Variants in FAM222B observed in about 807,000 individuals in gnomAD.
FAM222B encodes the protein family with sequence similarity 222 member B.
Under a neutral mutation model 38.0 loss-of-function variants are expected in FAM222B, and 12 were observed. The ratio of observed to expected loss-of-function variants is 0.32; its 90% confidence interval spans 0.20 to 0.51. The LOEUF (loss-of-function observed/expected upper bound fraction) is 0.51. Ranked by LOEUF, FAM222B falls within the 20% of genes least tolerant of loss-of-function variation. The pLI, the probability that FAM222B is intolerant of heterozygous loss-of-function variation, is 0.97. For synonymous variants in FAM222B, 329 were observed against 317.2 expected (o/e 1.04, Z -0.40); for missense variants, 716 against 754.2 (o/e 0.95, Z 0.59).
intron 1 of FAM222B, among the ~76,000 whole-genome samples, chr17:28,798,639 C>CTT (rs35469781): frequency 4.6e-4 from 67 of 145,642 alleles, no homozygotes; most frequent in East Asian, 1.0e-3. Context: ...CTTGCACCCC[C>CTT]TTTTTTTTTT....
At chr17:28,826,681 C>CAAA (rs58793747) in intron 1 of FAM222B, among the ~76,000 whole-genome samples, 4 of 85,020 alleles carry the variant, frequency 4.7e-5, no homozygotes, top group African/African-American at 1.3e-4. Context: ...AACTCCGTCT[C>CAAA]AAAAAAAAAA....
In FAM222B at chr17:28,809,222, G is replaced by A. The variant is rs566264834; in HGVS notation, c.-41+33460C>T. Among the ~76,000 whole-genome samples the A allele has an allele frequency of 7.2e-5, 11 of 152,160 alleles. No homozygotes were observed. In the South Asian group the frequency reaches 1.4e-3, roughly 20 times the overall value. On this transcript the variant is annotated intron_variant, in intron 1 of 2. Transcript: ENST00000581407. ...AAAAATTAGCCAGGCGTGCTGGTGC[G>A]TGTCTGTAGTCCCAGCTACTCAGGA...
chr17:28,830,644 C>G (rs948904607), intron 1 of FAM222B, among the ~76,000 whole-genome samples: 2 of 151,878 alleles, frequency 1.3e-5, no homozygotes, highest in Non-Finnish European at 2.9e-5. Flanking sequence ...TCTAAGAACT[C>G]TTTGCCTAAC....
chr17:28,825,598 A>G (rs1264254085), intron 1 of FAM222B, among the ~76,000 whole-genome samples: 1 of 151,984 alleles, frequency 6.6e-6, no homozygotes, highest in Non-Finnish European at 1.5e-5. Flanking sequence ...CAACATACCA[A>G]GCTCATTCCT....
Position 28,758,969 on chromosome 17 carries a change from G to C in FAM222B, c.990C>G (p.Thr330=), listed in dbSNP as rs1022923568. 1 of 1,611,550 alleles carries C rather than the reference G, an allele frequency of 6.2e-7. No individual in the cohort carries two copies. The highest frequency in any genetic ancestry group is 1.1e-5 in the South Asian group (1 of 90,546). ...CAGGCAACGCGGCGGTGGCCGCGTG[G>C]GTGTGCTCCATGGGATTGACCACAC... The part of the protein sequence containing the change: ...PSCVVNPMEH[T]HAATAALPAA... The change falls in exon 3 of 3, where the codon ACC becomes ACG. Residue 330 remains threonine (T), a synonymous_variant. Transcript: ENST00000581407.
intron 1 of FAM222B, among the ~76,000 whole-genome samples, chr17:28,847,867 T>C (rs369573208): frequency 5.4e-4 from 79 of 147,570 alleles, no homozygotes; most frequent in African/African-American, 1.9e-3. Flanking sequence ...TGAGCCGAGA[T>C]AGCGCCACTG....
At chr17:28,767,675 C>A (rs2035407121) in intron 1 of FAM222B, among the ~76,000 whole-genome samples, 1 of 151,984 alleles carries the variant, frequency 6.6e-6, no homozygotes, top group Non-Finnish European at 1.5e-5. Flanking sequence ...GGGGTTTCAC[C>A]ATGTTGGTCA....
intron 1 of FAM222B, among the ~76,000 whole-genome samples, chr17:28,767,546 G>A (rs2035401262): frequency 6.6e-6 from 1 of 152,032 alleles, no homozygotes; most frequent in Non-Finnish European, 1.5e-5. Context: ...TACAATTTTG[G>A]CTCACTGCAA....
intron 1 of FAM222B, among the ~76,000 whole-genome samples, chr17:28,772,450 C>T (rs189520110): frequency 1.3e-5 from 2 of 151,694 alleles, no homozygotes; most frequent in South Asian, 2.1e-4. Context: ...AGAGGCCGGT[C>T]GCGGTGGCTC....
At chr17:28,797,988 T>C (rs2037023272) in intron 1 of FAM222B, among the ~76,000 whole-genome samples, 1 of 151,536 alleles carries the variant, frequency 6.6e-6, no homozygotes, top group Non-Finnish European at 1.5e-5. Context: ...GCCCCAGGGG[T>C]GGAGGCTGCA....
chr17:28,823,448 C>A (rs886555990), intron 1 of FAM222B, among the ~76,000 whole-genome samples: 2 of 151,676 alleles, frequency 1.3e-5, no homozygotes, highest in African/African-American at 4.8e-5. Context: ...GGCACAATCA[C>A]CACTTACTGC....
intron 1 of FAM222B, among the ~76,000 whole-genome samples, chr17:28,850,344 C>T (rs1297205228): frequency 5.9e-5 from 9 of 151,772 alleles, no homozygotes; most frequent in East Asian, 1.9e-4. Context: ...CTCTGTCGCC[C>T]GGGCTGGAGT....
chr17:28,792,465 G>A (rs559986120), intron 1 of FAM222B, among the ~76,000 whole-genome samples: 124 of 152,170 alleles, frequency 8.1e-4, no homozygotes, highest in Non-Finnish European at 1.2e-3. Context: ...GGGCGACAGA[G>A]TGAGACCCTG....
intron 1 of FAM222B, among the ~76,000 whole-genome samples, chr17:28,805,984 A>C (rs191839511): frequency 6.6e-6 from 1 of 152,248 alleles, no homozygotes; most frequent in Admixed American, 6.6e-5. Context: ...TCTACTAAAA[A>C]TACAAAATTA....
intron 1 of FAM222B, among the ~76,000 whole-genome samples, chr17:28,833,607 T>G (rs1281802904): frequency 7.9e-6 from 1 of 127,018 alleles, no homozygotes; most frequent in Non-Finnish European, 1.6e-5. Context: ...AGTGAGACTT[T>G]GTCTCAAAAA....
At chr17:28,840,296 G>A in intron 1 of FAM222B, among the ~76,000 whole-genome samples, 1 of 152,090 alleles carries the variant, frequency 6.6e-6, no homozygotes, top group Non-Finnish European at 1.5e-5. Context: ...AACCCGGGAG[G>A]TGGAGGTTGC....
intron 1 of FAM222B, among the ~76,000 whole-genome samples, chr17:28,850,250 C>T (rs1424879386): frequency 6.6e-6 from 1 of 152,002 alleles, no homozygotes; most frequent in African/African-American, 2.4e-5. Flanking sequence ...TCCTTCCACT[C>T]TGGGTACTTG....
At chr17:28,809,919 A>G (rs1039605671) in intron 1 of FAM222B, among the ~76,000 whole-genome samples, 14 of 152,214 alleles carry the variant, frequency 9.2e-5, no homozygotes, top group African/African-American at 3.1e-4. Flanking sequence ...AACCACCCAG[A>G]TATCAAATAG....
intron 1 of FAM222B, among the ~76,000 whole-genome samples, chr17:28,850,648 G>T (rs1490037192): frequency 2.0e-5 from 3 of 152,060 alleles, no homozygotes; most frequent in Non-Finnish European, 2.9e-5. Context: ...CCTTGATTTT[G>T]AAACAGTTTA....
Sources: allele counts gnomAD v4.1 joint callset (sites outside exome capture counted in the v4.1 genomes callset), GRCh38; gene constraint gnomAD v4.1.1; transcripts MANE v1.5; gene names NCBI Gene and HGNC (gene_info 2026-07-23, HGNC 2026-07-21).